The following ZFYVE9 variants were observed in gnomAD, a reference collection of about 807,000 sequenced individuals.
ZFYVE9 encodes the protein zinc finger FYVE domain-containing protein 9.
Under a neutral mutation model 126.7 loss-of-function variants are expected in ZFYVE9, and 43 were observed. The ratio of observed to expected loss-of-function variants is 0.34; its 90% CI spans 0.27 to 0.44. The LOEUF (loss-of-function observed/expected upper bound fraction) is 0.44. ZFYVE9 is among the 20% of genes least tolerant of loss of function. The pLI is 1.00. For missense variants in ZFYVE9, 1,476 were observed against 1,697.0 expected (o/e 0.87, Z 2.29); for synonymous variants, 521 against 597.4 (o/e 0.87, Z 1.87).
At chr1:52,219,882 A>G (rs768636660) in intron 2 of ZFYVE9, among the ~76,000 whole-genome samples, 4 of 150,818 alleles carry the variant, frequency 2.7e-5, no homozygotes, top group East Asian at 3.9e-4. Context: ...GGTTCAAGCA[A>G]TTCTCCTGCC....
chr1:52,166,885 C>G (rs890181445), intron 1 of ZFYVE9, among the ~76,000 whole-genome samples: 1 of 151,964 alleles, frequency 6.6e-6, no homozygotes, highest in South Asian at 2.1e-4. Flanking sequence ...TGGGTGACAC[C>G]AGATCTTAAG....
intron 1 of ZFYVE9, among the ~76,000 whole-genome samples, chr1:52,150,624 G>A (rs898668917): frequency 6.6e-6 from 1 of 151,846 alleles, no homozygotes; most frequent in African/African-American, 2.4e-5. Context: ...AAAATTGGCT[G>A]GGCGTGGCGT....
At chr1:52,185,217 A>G (rs1476289045) in intron 1 of ZFYVE9, among the ~76,000 whole-genome samples, 2 of 152,196 alleles carry the variant, frequency 1.3e-5, no homozygotes, top group African/African-American at 2.4e-5. Context: ...AGTAATAATT[A>G]TACCTTACAG....
chr1:52,186,226 C>T (rs1357075519), intron 1 of ZFYVE9, among the ~76,000 whole-genome samples: 16 of 145,664 alleles, frequency 1.1e-4, no homozygotes, highest in Middle Eastern at 3.5e-3. Flanking sequence ...GGTGACAGAG[C>T]GAGACTCTGT....
At chr1:52,294,468 A>G (rs1041749125) in intron 11 of ZFYVE9, among the ~76,000 whole-genome samples, 6 of 152,196 alleles carry the variant, frequency 3.9e-5, no homozygotes, top group African/African-American at 1.2e-4. Flanking sequence ...CCAATTATTT[A>G]TTTATTCAGT....
At chr1:52,182,109 C>A (rs997600770) in intron 1 of ZFYVE9, among the ~76,000 whole-genome samples, 1 of 151,654 alleles carries the variant, frequency 6.6e-6, no homozygotes, top group African/African-American at 2.4e-5. Context: ...GGGTCAGCCC[C>A]CCGTCCAGGA....
rs180765515 is a variant in ZFYVE9 at position 52,288,647 on chromosome 1, G to A, written c.3026-4806G>A. 2.3e-3 allele frequency among the ~76,000 whole-genome samples: 355 copies of A among 152,242 alleles called. 4 individuals carry two copies. The highest frequency in any genetic ancestry group is 3.5e-4 in the Non-Finnish European group (24 of 68,014). On this transcript the variant is annotated intron_variant, in intron 10 of 18. Transcript: ENST00000287727. ...TTAGAAATTTATTTATTGGCCGGGTGCGGTGGGTCACGCCTGTAATCCCAA... is the reference window on the plus strand; with the variant it reads ...TTAGAAATTTATTTATTGGCCGGGTACGGTGGGTCACGCCTGTAATCCCAA...
At chr1:52,199,049 C>G (rs1644897487) in intron 1 of ZFYVE9, among the ~76,000 whole-genome samples, 1 of 151,798 alleles carries the variant, frequency 6.6e-6, no homozygotes, top group Admixed American at 6.6e-5. Context: ...TTCCTCTCCC[C>G]TAGTCTTTGA....
At chr1:52,232,215 G>A (rs1645230022) in intron 2 of ZFYVE9, among the ~76,000 whole-genome samples, 1 of 152,074 alleles carries the variant, frequency 6.6e-6, no homozygotes, top group African/African-American at 2.4e-5. Flanking sequence ...AGAATTTTCA[G>A]TTTGGAAAGA....
rs146344711 is a variant in ZFYVE9 at position 52,239,510 on chromosome 1, C to G, written c.2093C>G (p.Pro698Arg). 6.2e-7 allele frequency: 1 copy of G among 1,613,928 alleles called. No individual in the cohort carries two copies. Among genetic ancestry groups the G allele is most frequent in the Admixed American group, 1.7e-5 (1 of 59,986 alleles). Residue 698 changes from proline to arginine, a missense_variant, in exon 4 of 19, where the codon CCG (proline) becomes CGG (arginine). Pro to Arg is a moderately radical substitution (Grantham distance 103, BLOSUM62 -2). Around this residue, in one of 2 missense-constraint regions of ZFYVE9, gnomAD observed 669 missense variants for 902.4 expected, o/e 0.74. Transcript: ENST00000287727. ...TLGEVAPVWV[P>R]DSQAPNCMKC... is the part of the protein sequence containing the mutation. ...GGTGAGGTGGCTCCAGTATGGGTAC[C>G]GGATTCTCAGGCTCCAAATTGCATG...
chr1:52,159,987 G>A (rs909421211), intron 1 of ZFYVE9, among the ~76,000 whole-genome samples: 3 of 150,480 alleles, frequency 2.0e-5, no homozygotes, highest in Non-Finnish European at 2.9e-5. Flanking sequence ...TAGTAGAGTC[G>A]GGGTTTCTTT....
At chr1:52,332,671 T>C (rs1453013519) in intron 13 of ZFYVE9, 97 bp from the exon 14 acceptor site, 1 of 1,422,662 alleles carries the variant, frequency 7.0e-7, no homozygotes, top group Non-Finnish European at 9.4e-7. Flanking sequence ...TAATACGTAA[T>C]ATTCTGTTAG....
chr1:52,175,722 C>G (rs1448483094), intron 1 of ZFYVE9, among the ~76,000 whole-genome samples: 1 of 152,104 alleles, frequency 6.6e-6, no homozygotes, highest in African/African-American at 2.4e-5. Flanking sequence ...TCTTTTTTCT[C>G]TAAACTTCCC....
At chr1:52,218,443 G>A (rs577367697) in intron 2 of ZFYVE9, among the ~76,000 whole-genome samples, 1 of 152,340 alleles carries the variant, frequency 6.6e-6, no homozygotes, top group East Asian at 1.9e-4. Flanking sequence ...TGGCCCTTGG[G>A]GGCTGTCCCA....
chr1:52,185,585 C>T (rs917542057), intron 1 of ZFYVE9, among the ~76,000 whole-genome samples: 1 of 152,114 alleles, frequency 6.6e-6, no homozygotes, highest in Non-Finnish European at 1.5e-5. Flanking sequence ...TATTGCTAAG[C>T]ACTTTTAAAT....
chr1:52,276,822 T>C lies in ZFYVE9; in HGVS notation c.2747-1670T>C, dbSNP rs7535584. 7.0e-3 allele frequency among the ~76,000 whole-genome samples: 1,063 copies of C among 152,350 alleles called. 13 individuals carry two copies. The highest frequency in any genetic ancestry group is 0.024 in the African/African-American group (1,012 of 41,594). Reference sequence around the variant, plus strand: ...TTGGCTACATTAACACTTTTTCTCATTGCAATTTAGATATTATATTTTCAG... The same window carrying C: ...TTGGCTACATTAACACTTTTTCTCACTGCAATTTAGATATTATATTTTCAG... On this transcript the variant is annotated intron_variant, in intron 8 of 18. Transcript: ENST00000287727.
intron 1 of ZFYVE9, among the ~76,000 whole-genome samples, chr1:52,146,318 C>A (rs937523474): frequency 6.6e-6 from 1 of 152,090 alleles, no homozygotes; most frequent in Non-Finnish European, 1.5e-5. Flanking sequence ...ATATAATAAT[C>A]ATTGGAAAAG....
In ZFYVE9 at chr1:52,320,833, TTAAA is replaced by T. The variant is rs570559030; in HGVS notation, c.3439-11932_3439-11929del. On this transcript the variant is annotated intron_variant, in intron 13 of 18. Transcript: ENST00000287727. The stretch of plus-strand genomic sequence containing the variant: ...GTCAAAATTCATCAAATTGTACACT[TTAAA>T]TATGTGTAATTCATCAGTTATTTTA... Among the ~76,000 whole-genome samples, 40 of 152,318 alleles carry T rather than the reference TTAAA, an allele frequency of 2.6e-4. 2 individuals are homozygous for T. The South Asian group carries it at 6.2e-3, about 24-fold the overall frequency.
At chr1:52,324,506 C>T (rs1646272670) in intron 13 of ZFYVE9, among the ~76,000 whole-genome samples, 1 of 152,244 alleles carries the variant, frequency 6.6e-6, no homozygotes, top group African/African-American at 2.4e-5. Flanking sequence ...TTCTGTTCCT[C>T]ACTTATGCTG....
Sources: allele counts gnomAD v4.1 joint callset (sites outside exome capture counted in the v4.1 genomes callset), GRCh38; gene constraint gnomAD v4.1.1; regional missense constraint gnomAD v4.1.1; transcripts MANE v1.5; gene names NCBI Gene and HGNC (gene_info 2026-07-23, HGNC 2026-07-21).